RRP1B: variants seen among roughly 807,000 people sequenced by gnomAD.
RRP1B encodes the protein ribosomal RNA processing protein 1 homolog B.
A neutral mutation model predicts 80.2 loss-of-function variants in RRP1B; 56 were observed. The ratio of observed to expected loss-of-function variants is 0.70; its 90% CI spans 0.56 to 0.87. The LOEUF (loss-of-function observed/expected upper bound fraction) is 0.87, where lower values mean the gene tolerates loss of function less well. Among genes scored for constraint, RRP1B ranks in the 40% least tolerant of loss-of-function variants. RRP1B has a pLI of 0.00. For synonymous variants in RRP1B, 351 were observed against 357.6 expected (o/e 0.98, Z 0.21); for missense variants, 807 against 939.8 (o/e 0.86, Z 1.85).
At chr21:43,661,965 G>T (rs76519148) in intron 1 of RRP1B, among the ~76,000 whole-genome samples, 4,924 of 152,214 alleles carry the variant, frequency 0.032, 280 homozygotes, top group African/African-American at 0.11. Context: ...CTCCTCCAGG[G>T]TTCTAAAACA....
chr21:43,673,919 A>C lies in RRP1B; in HGVS notation c.321A>C (p.Lys107Asn), dbSNP rs202120852. ...TFWQTMNREWKGIDRLRLDKY... is the reference protein window; with the variant it reads ...TFWQTMNREWNGIDRLRLDKY... ...GGCAAACCATGAATCGAGAATGGAA[A>C]GGAATAGACAGGCTACGCCTGGACA... Residue 107 changes from lysine to asparagine, a missense_variant, in exon 4 of 16, where the codon AAA becomes AAC. Transcript: ENST00000340648. The C allele has an allele frequency of 5.8e-5, 93 of 1,613,694 alleles. No individual in the cohort carries two copies. In the East Asian group the frequency reaches 2.1e-3, roughly 36 times the overall value.
At chr21:43,674,977 G>A in intron 5 of RRP1B, 57 bp from the exon 6 acceptor site, 2 of 1,598,596 alleles carry the variant, frequency 1.3e-6, no homozygotes, top group Non-Finnish European at 1.7e-6. Flanking sequence ...TTTCTCTTTG[G>A]GAAGTGGGAC....
intron 9 of RRP1B, among the ~76,000 whole-genome samples, chr21:43,684,175 C>G (rs1183741917): frequency 6.6e-6 from 1 of 150,604 alleles, no homozygotes; most frequent in South Asian, 2.1e-4. Flanking sequence ...GAGTTCACGC[C>G]ATTCTCCTGC....
At chr21:43,665,268 C>T (rs2082974106) in intron 1 of RRP1B, among the ~76,000 whole-genome samples, 3 of 152,322 alleles carry the variant, frequency 2.0e-5, no homozygotes, top group Middle Eastern at 3.4e-3. Context: ...AATATTATGC[C>T]ATTTAGGTCA....
chr21:43,686,999 G>T, intron 12 of RRP1B, 64 bp downstream of exon 12: 1 of 1,561,866 alleles, frequency 6.4e-7, no homozygotes, highest in Non-Finnish European at 8.7e-7. Context: ...GCACCATGGA[G>T]GCCTCGGAGA....
At position 43,668,133 on chromosome 21, in the gene RRP1B, C is replaced by G. The variant is rs536999319; in HGVS notation, c.131-1751C>G. ...CTGAGGCAGGAGAATCGCTTGAACC[C>G]AGGAGGCAGAGGTTGCAGTGAGCCT... is the stretch of plus-strand genomic sequence containing the variant. On this transcript the variant is annotated intron_variant, in intron 1 of 15. Transcript: ENST00000340648. Among the ~76,000 whole-genome samples the G allele has an allele frequency of 6.2e-3, 932 of 151,460 alleles. 6 individuals are homozygous for G. Among genetic ancestry groups the G allele is most frequent in the African/African-American group, 0.021 (879 of 41,314 alleles).
rs1029711743 is a variant in RRP1B, at chr21:43,693,161, A to T, written c.2084-29A>T. The T allele has an allele frequency of 3.1e-6, 5 of 1,612,332 alleles. No individual in the cohort carries two copies. The African/African-American group carries it at 6.7e-5, about 22-fold the overall frequency. The stretch of plus-strand genomic sequence containing the variant: ...AAGGGACAGCTGTCGGACCCACTTA[A>T]TATGGGGCCTTGCTCTCATTTGGGA... On this transcript the variant is annotated intron_variant, in intron 15 of 15. Coordinates refer to ENST00000340648, the MANE Select transcript of RRP1B (RefSeq NM_015056.3). The surrounding 1 kb of genome is among the most constrained non-coding windows in gnomAD (Gnocchi z 4.1).
intron 6 of RRP1B, 101 bp downstream of exon 6, chr21:43,675,264 G>A (rs976849141): frequency 8.1e-6 from 9 of 1,106,912 alleles, no homozygotes; most frequent in Non-Finnish European, 1.2e-5. Flanking sequence ...CATGACCAGC[G>A]ACTGTAGCAG....
In RRP1B at chr21:43,687,509, T is replaced by C. The variant is rs1019730702; in HGVS notation, c.1142-7T>C. 6.8e-7 allele frequency: 1 copy of C among 1,478,890 alleles called. No individual in the cohort carries two copies. Among genetic ancestry groups the C allele is most frequent in the Non-Finnish European group, 8.9e-7 (1 of 1,120,348 alleles). 91.6% of individuals were successfully genotyped at this position (1,478,890 alleles called of 1,614,324 possible). On this transcript the variant is annotated splice_region_variant and splice_polypyrimidine_tract_variant and intron_variant, in intron 12 of 15. Transcript: ENST00000340648. Reference sequence around the variant, plus strand: ...GGGTGCTTGTTGATGGGTTTCTGTCTTTTTAGGAAGCAGAGTCTTTTGTGT... The same window carrying C: ...GGGTGCTTGTTGATGGGTTTCTGTCCTTTTAGGAAGCAGAGTCTTTTGTGT...
intron 13 of RRP1B, 86 bp from the exon 14 acceptor site, chr21:43,690,202 T>C: frequency 6.7e-7 from 1 of 1,501,438 alleles, no homozygotes; most frequent in Non-Finnish European, 9.0e-7. Context: ...TGCCTGGGGC[T>C]CTGCCTTCCC....
rs1474837045 is a variant in RRP1B, at chr21:43,676,718, T to C, written c.615-15T>C. 2 of 1,611,320 alleles carry C rather than the reference T, an allele frequency of 1.2e-6. No individual in the cohort carries two copies. The highest frequency in any genetic ancestry group is 2.2e-5 in the South Asian group (2 of 90,858). On this transcript the variant is annotated splice_polypyrimidine_tract_variant and intron_variant, in intron 7 of 15. Transcript: ENST00000340648. ...TGTTCTCATCACATGCTCTCCGCTG[T>C]GCTTCTACCCTCAGCCACACCCTGG... is the stretch of plus-strand genomic sequence containing the variant.
In RRP1B at chr21:43,687,545, G is replaced by A. The variant is rs757645591; in HGVS notation, c.1171G>A (p.Asp391Asn). 3 of 1,497,808 alleles carry A rather than the reference G, an allele frequency of 2.0e-6. No individual in the cohort carries two copies. Among genetic ancestry groups the A allele is most frequent in the Non-Finnish European group, 2.7e-6 (3 of 1,131,642 alleles). 92.8% of individuals were successfully genotyped at this position (1,497,808 alleles called of 1,614,324 possible). Residue 391 changes from aspartate to asparagine, a missense_variant, in exon 13 of 16, where the codon GAC (aspartate) becomes AAC (asparagine). Physicochemically the swap from Asp to Asn is conservative, Grantham distance 23. Coordinates refer to ENST00000340648, the MANE Select transcript of RRP1B (RefSeq NM_015056.3). ...CAGAGTCTTTTGTGTAGAGGAAGAG[G>A]ACAGTGAAAGCAGTCTTCAAAAGAG... ...GSRVFCVEEE[D>N]SESSLQKRRR...
chr21:43,687,199 G>A (rs2147175107), intron 12 of RRP1B, among the ~76,000 whole-genome samples: 1 of 152,278 alleles, frequency 6.6e-6, no homozygotes, highest in South Asian at 2.1e-4. Context: ...GAGCACTGGG[G>A]GGCGGCTGTT....
chr21:43,687,191 G>C (rs748632478), intron 12 of RRP1B, among the ~76,000 whole-genome samples: 4 of 152,216 alleles, frequency 2.6e-5, no homozygotes, highest in Non-Finnish European at 5.9e-5. Context: ...GCTGCAGGGA[G>C]CACTGGGGGG....
At chr21:43,674,115 T>C (rs1157179291) in intron 4 of RRP1B, among the ~76,000 whole-genome samples, 160 bp downstream of exon 4, 1 of 152,232 alleles carries the variant, frequency 6.6e-6, no homozygotes, top group Non-Finnish European at 1.5e-5. Context: ...GTTTTGGCTT[T>C]TGCAGTTCTT....
At chr21:43,692,717 TGTGTGC>T (rs2083091791) in intron 15 of RRP1B, among the ~76,000 whole-genome samples, 1 of 152,090 alleles carries the variant, frequency 6.6e-6, no homozygotes, top group African/African-American at 2.4e-5. Flanking sequence ...TATATATGTG[TGTGTGC>T]GTGTGCATGC....
intron 7 of RRP1B, 69 bp downstream of exon 7, chr21:43,676,405 C>T: frequency 8.4e-7 from 1 of 1,191,202 alleles, no homozygotes; most frequent in South Asian, 1.3e-5. Flanking sequence ...TGCCGTCGTG[C>T]AGCCTGGCAC....
chr21:43,673,899 A>G lies in RRP1B; in HGVS notation c.301A>G (p.Thr101Ala). ...CCTGTTCATTCAGACCTTTTGGCAA[A>G]CCATGAATCGAGAATGGAAAGGAAT... ...QHLFIQTFWQ[T>A]MNREWKGIDR... The change falls in exon 4 of 16, where the codon ACC becomes GCC. Residue 101 changes from threonine (T) to alanine (A), a missense_variant. By Grantham distance (58) the Thr-to-Ala change is moderately conservative (BLOSUM62 0). Transcript: ENST00000340648. 1 of 1,613,754 alleles carries G rather than the reference A, an allele frequency of 6.2e-7. No individual in the cohort carries two copies. The highest frequency in any genetic ancestry group is 1.1e-5 in the South Asian group (1 of 91,046).
At chr21:43,670,687 T>G (rs1282515013) in intron 2 of RRP1B, among the ~76,000 whole-genome samples, 1 of 152,136 alleles carries the variant, frequency 6.6e-6, no homozygotes, top group East Asian at 1.9e-4. Context: ...ATTTTTTTTT[T>G]TAAGCTCTTC....
Sources: gnomAD v4.1 joint callset for allele counts (sites outside exome capture counted in the v4.1 genomes callset) on GRCh38, gnomAD v4.1.1 for gene constraint, Gnocchi (gnomAD v3.1) non-coding constraint, MANE v1.5 for transcripts, NCBI Gene and HGNC (gene_info 2026-07-23, HGNC 2026-07-21) for gene names.